MXI1: variants seen among roughly 807,000 people sequenced by gnomAD.
The protein encoded by MXI1 is MAX interactor 1, dimerization protein, also known as max-interacting protein 1.
A neutral mutation model predicts 36.9 loss-of-function variants in MXI1; 18 were observed. The observed-to-expected ratio is 0.49, with a 90% CI of 0.34 to 0.72. MXI1 has a LOEUF of 0.72. Among genes scored for constraint, MXI1 ranks in the 30% least tolerant of loss-of-function variants. MXI1 has a pLI of 0.01. For missense variants in MXI1, 304 were observed against 379.1 expected (o/e 0.80, Z 1.64); for synonymous variants, 160 against 146.7 (o/e 1.09, Z -0.65).
intron 5 of MXI1, among the ~76,000 whole-genome samples, chr10:110,283,455 G>A (rs959789937): frequency 1.3e-5 from 2 of 151,900 alleles, no homozygotes; most frequent in African/African-American, 4.8e-5. Context: ...GCCTAGACAC[G>A]GGGTTTCACC....
At chr10:110,246,371 T>C (rs951916797) in intron 3 of MXI1, among the ~76,000 whole-genome samples, 4 of 152,092 alleles carry the variant, frequency 2.6e-5, no homozygotes. Context: ...TGAAATCATA[T>C]GTACCAGCTG....
At chr10:110,276,776 C>T (rs1857047565) in intron 3 of MXI1, among the ~76,000 whole-genome samples, 1 of 151,850 alleles carries the variant, frequency 6.6e-6, no homozygotes, top group Non-Finnish European at 1.5e-5. Context: ...AAAATAGACT[C>T]ACCTTTCTTT....
At chr10:110,211,779 G>A (rs1239790137) in intron 1 of MXI1, among the ~76,000 whole-genome samples, 1 of 152,158 alleles carries the variant, frequency 6.6e-6, no homozygotes, top group Non-Finnish European at 1.5e-5. Flanking sequence ...AGGAAAGGCA[G>A]GTACATTCTC....
intron 5 of MXI1, among the ~76,000 whole-genome samples, chr10:110,282,415 G>T (rs1284610896): frequency 6.6e-6 from 1 of 152,004 alleles, no homozygotes; most frequent in African/African-American, 2.4e-5. Flanking sequence ...CAGTTTTCAA[G>T]AAAAGTCTAC....
intron 2 of MXI1, among the ~76,000 whole-genome samples, chr10:110,239,336 A>G (rs1442353941): frequency 5.3e-5 from 8 of 152,002 alleles, no homozygotes; most frequent in Non-Finnish European, 1.0e-4. Context: ...TCCTTTTTCT[A>G]CTTTCTTAAG....
rs1483698051 is a variant in MXI1, at chr10:110,287,250, T to G, written c.*2263T>G. 6.6e-6 allele frequency: 1 copy of G among 152,246 alleles called. No homozygotes were observed. Among genetic ancestry groups the G allele is most frequent in the Non-Finnish European group, 1.5e-5 (1 of 68,038 alleles). 9.4% of individuals were successfully genotyped at this position (152,246 alleles called of 1,614,324 possible). A position where few individuals can be genotyped will look rare whatever the true frequency, so the allele number is the denominator to read the frequency against. On this transcript the variant is annotated 3_prime_UTR_variant, in exon 6 of 6. Coordinates refer to ENST00000332674, the MANE Select transcript of MXI1 (RefSeq NM_130439.3). The stretch of plus-strand genomic sequence containing the variant: ...CCCCTAAATTACCCTTCCCTGGGTT[T>G]GTTTTCCTTGGGGTGGTGTAGATTG...
At chr10:110,278,099 G>T (rs371494822) in intron 3 of MXI1, among the ~76,000 whole-genome samples, 1 of 152,166 alleles carries the variant, frequency 6.6e-6, no homozygotes, top group South Asian at 2.1e-4. Flanking sequence ...CGTATTTGTG[G>T]ATTTTCTTTT....
chr10:110,263,259 A>G (rs781595050), intron 3 of MXI1, among the ~76,000 whole-genome samples: 5 of 152,206 alleles, frequency 3.3e-5, no homozygotes, highest in Non-Finnish European at 7.4e-5. Context: ...AGGAAGGCAC[A>G]TAGTGAGATA....
chr10:110,286,292 T>C lies in MXI1; in HGVS notation c.*1305T>C, dbSNP rs1857423791. Reference sequence around the variant, plus strand: ...CACTGTGCAGGTGCTATTGTTACTCTTACGAATATTTTCAGTAATGTTATT... The same window carrying C: ...CACTGTGCAGGTGCTATTGTTACTCCTACGAATATTTTCAGTAATGTTATT... On this transcript the variant is annotated 3_prime_UTR_variant, in exon 6 of 6. Coordinates refer to ENST00000332674, the MANE Select transcript of MXI1 (RefSeq NM_130439.3). 6.6e-6 allele frequency: 1 copy of C among 152,630 alleles called. No homozygotes were observed. Among genetic ancestry groups the C allele is most frequent in the Non-Finnish European group, 1.5e-5 (1 of 68,036 alleles). The allele number at this position is 152,630 out of a possible 1,614,324, so 9.5% of individuals were successfully genotyped here.
At chr10:110,226,978 T>G (rs972338208) in intron 1 of MXI1, among the ~76,000 whole-genome samples, 1 of 4,888 alleles carries the variant, frequency 2.0e-4, no homozygotes, top group Non-Finnish European at 3.5e-4. Context: ...CGCGCGGGTG[T>G]GAGGGGAGGG....
intron 3 of MXI1, among the ~76,000 whole-genome samples, chr10:110,249,265 C>T (rs1855982652): frequency 6.6e-6 from 1 of 152,032 alleles, no homozygotes; most frequent in Admixed American, 6.6e-5. Flanking sequence ...ATTCATATTC[C>T]TTAAAATTTG....
intron 1 of MXI1, among the ~76,000 whole-genome samples, chr10:110,218,971 G>A (rs1052177249): frequency 2.0e-5 from 3 of 152,262 alleles, no homozygotes; most frequent in East Asian, 3.9e-4. Context: ...ACTTTCTCTC[G>A]CTGATCCAGA....
chr10:110,258,539 A>G (rs4917556), intron 3 of MXI1, among the ~76,000 whole-genome samples: 36,312 of 152,038 alleles, frequency 0.24, 5,361 homozygotes, highest in African/African-American at 0.42. Context: ...AGAGAGCTAT[A>G]TAATTCATGT....
At chr10:110,245,309 G>C (rs1255262554) in intron 3 of MXI1, among the ~76,000 whole-genome samples, 2 of 152,120 alleles carry the variant, frequency 1.3e-5, no homozygotes, top group African/African-American at 2.4e-5. Flanking sequence ...TCAGTGCCAG[G>C]CAGGCAGAAT....
At chr10:110,221,276 G>T (rs1041023361) in intron 1 of MXI1, among the ~76,000 whole-genome samples, 3 of 152,186 alleles carry the variant, frequency 2.0e-5, no homozygotes, top group Admixed American at 6.5e-5. Flanking sequence ...GTTGGCCTTG[G>T]GCAAGTTACC....
chr10:110,275,965 T>TA (rs35957473), intron 3 of MXI1, among the ~76,000 whole-genome samples: 36,283 of 151,846 alleles, frequency 0.24, 5,229 homozygotes, highest in African/African-American at 0.41. Flanking sequence ...CAGTAGTGGC[T>TA]AAAAAAAATA....
intron 3 of MXI1, among the ~76,000 whole-genome samples, chr10:110,271,208 T>A (rs1017449846): frequency 2.4e-4 from 36 of 152,026 alleles, no homozygotes; most frequent in Non-Finnish European, 4.4e-4. Flanking sequence ...TGATTTCAGC[T>A]GCACCAGAAA....
chr10:110,224,425 G>T (rs912457828), intron 1 of MXI1, among the ~76,000 whole-genome samples: 1 of 152,158 alleles, frequency 6.6e-6, no homozygotes, highest in Non-Finnish European at 1.5e-5. Flanking sequence ...ACACCTGAGG[G>T]GTGGTGGTGT....
chr10:110,219,189 A>G (rs1178422891), intron 1 of MXI1, among the ~76,000 whole-genome samples: 2 of 152,168 alleles, frequency 1.3e-5, no homozygotes, highest in African/African-American at 4.8e-5. Flanking sequence ...AATCCCAGCT[A>G]CTTGGGAGGC....
Sources: gnomAD v4.1 joint callset for allele counts (sites outside exome capture counted in the v4.1 genomes callset) on GRCh38, gnomAD v4.1.1 for gene constraint, MANE v1.5 for transcripts, NCBI Gene and HGNC (gene_info 2026-07-23, HGNC 2026-07-21) for gene names.